KIF1C: variants seen among roughly 807,000 people sequenced by gnomAD.
The protein encoded by KIF1C is kinesin family member 1C.
Under a neutral mutation model 126.5 loss-of-function variants are expected in KIF1C, and 61 were observed. That is an observed-to-expected ratio of 0.48 (90% confidence interval 0.39 to 0.60). The LOEUF is 0.60. KIF1C is among the 20% of genes least tolerant of loss of function. The probability of loss-of-function intolerance (pLI) is 0.00; values close to 1 mark genes in which losing one functional copy is unlikely to be tolerated. For missense variants in KIF1C, 1,315 were observed against 1,489.2 expected, an observed-to-expected ratio of 0.88 and a Z score of 1.93; for synonymous variants, 640 against 580.6, an observed-to-expected ratio of 1.10 and a Z score of -1.47.
intron 13 of KIF1C, among the ~76,000 whole-genome samples, chr17:5,006,555 C>T (rs572181803): frequency 3.3e-5 from 5 of 150,094 alleles, no homozygotes; most frequent in South Asian, 2.1e-4. Flanking sequence ...AGGCTGGTCT[C>T]GAACTCCTGA....
intron 6 of KIF1C, 123 bp downstream of exon 6, chr17:5,002,247 T>G: frequency 9.6e-7 from 1 of 1,044,858 alleles, no homozygotes; most frequent in East Asian, 2.4e-5. Flanking sequence ...TTTGGGGCAG[T>G]GATTCTGTCC....
chr17:5,001,320 T>A lies in KIF1C; in HGVS notation c.282T>A (p.Phe94Leu). ...HAFEGYNVCIFAYGQTGAGKS... is the reference protein window; with the variant it reads ...HAFEGYNVCILAYGQTGAGKS... Reference sequence around the variant, plus strand: ...TTGAAGGCTACAACGTGTGCATCTTTGCCTATGGGCAGACCGGGGCTGGGA... The same window carrying A: ...TTGAAGGCTACAACGTGTGCATCTTAGCCTATGGGCAGACCGGGGCTGGGA... The change falls in exon 5 of 23, where the codon TTT (phenylalanine) becomes TTA (leucine). Residue 94 changes from phenylalanine (F) to leucine (L), a missense_variant. This residue lies in a region of KIF1C where 874 missense variants were observed against 1,053.2 expected (regional missense o/e 0.83). Coordinates refer to ENST00000320785, the MANE Select transcript of KIF1C (RefSeq NM_006612.6). 2 of 1,614,174 alleles carry A rather than the reference T, an allele frequency of 1.2e-6. No homozygotes were observed. Among genetic ancestry groups the A allele is most frequent in the Non-Finnish European group, 1.7e-6 (2 of 1,179,994 alleles).
intron 6 of KIF1C, 71 bp downstream of exon 6, chr17:5,002,195 G>T: frequency 7.1e-7 from 1 of 1,402,562 alleles, no homozygotes; most frequent in Non-Finnish European, 1.0e-6. Context: ...GAATCAGACA[G>T]CCTGGGATCT....
At position 5,007,024 on chromosome 17, in the gene KIF1C, G is replaced by A. The variant is rs539482350; in HGVS notation, c.1275G>A (p.Pro425=). The A allele has an allele frequency of 4.1e-4, 656 of 1,609,352 alleles. 8 individuals are homozygous for A. In the South Asian group the frequency reaches 5.8e-3, roughly 14 times the overall value. Residue 425 remains proline, a synonymous_variant, in exon 14 of 23, where the codon CCG becomes CCA. Transcript: ENST00000320785. ...SPTTHNGELE[P]SFSPNTESQI... is the part of the protein sequence containing the mutation. ...CCACACATAATGGGGAGCTGGAGCC[G>A]TCATTCTCCCCCAACACGGAGTCCC... is the stretch of plus-strand genomic sequence containing the variant.
chr17:4,999,348 T>G (rs1347904187), intron 1 of KIF1C, among the ~76,000 whole-genome samples: 1 of 152,204 alleles, frequency 6.6e-6, no homozygotes, highest in East Asian at 1.9e-4. Flanking sequence ...CATTTGCAGT[T>G]TCCTCTCTGG....
rs1974689186 is a variant in KIF1C at position 5,004,844 on chromosome 17, C to CT, written c.1020-10dup. On this transcript the variant is annotated splice_polypyrimidine_tract_variant and intron_variant, in intron 12 of 22. Transcript: ENST00000320785. ...CCCAGGCCTCACCGACCCTGCTCCT[C>CT]TGTCACCCAGGTATGCTGACCGCAC... 4 of 1,614,212 alleles carry CT rather than the reference C, an allele frequency of 2.5e-6. No individual in the cohort carries two copies. The highest frequency in any genetic ancestry group is 1.1e-5 in the South Asian group (1 of 91,086).
In KIF1C at chr17:5,023,717, G is replaced by C. The variant is rs757104315; in HGVS notation, c.2878G>C (p.Gly960Arg). 7 of 1,550,412 alleles carry C rather than the reference G, an allele frequency of 4.5e-6. No homozygotes were observed. In the South Asian group the frequency reaches 7.3e-5, roughly 16 times the overall value. The change falls in exon 23 of 23, where the codon GGG becomes CGG. Residue 960 changes from glycine to arginine, a missense_variant. Physicochemically the swap from Gly to Arg is moderately radical, Grantham distance 125 (BLOSUM62 -2). Around this residue, in one of 2 missense-constraint regions of KIF1C, gnomAD observed 441 missense variants for 436.1 expected, o/e 1.01. Coordinates refer to ENST00000320785, the MANE Select transcript of KIF1C (RefSeq NM_006612.6). This position sits in a 1 kb window ranked among gnomAD's most constrained non-coding sequence, Gnocchi z 4.2. ...QGLQGSGGRG[G>R]GLRRPPARFV... ...ACTGCAGGGCTCTGGGGGCCGGGGC[G>C]GGGGGCTGCGCAGGCCCCCAGCCCG...
Position 5,001,302 on chromosome 17 carries a change from C to T in KIF1C, c.264C>T (p.Gly88=). Reference sequence around the variant, plus strand: ...AGATGCTGCTCCACGCCTTTGAAGGCTACAACGTGTGCATCTTTGCCTATG... The same window carrying T: ...AGATGCTGCTCCACGCCTTTGAAGGTTACAACGTGTGCATCTTTGCCTATG... The part of the protein sequence containing the change: ...GEEMLLHAFE[G]YNVCIFAYGQ... Residue 88 remains glycine (G), a synonymous_variant, in exon 5 of 23, where the codon GGC becomes GGT. Transcript: ENST00000320785. The T allele has an allele frequency of 1.2e-6, 2 of 1,614,160 alleles. No individual in the cohort carries two copies. The highest frequency in any genetic ancestry group is 1.7e-6 in the Non-Finnish European group (2 of 1,179,992).
intron 12 of KIF1C, 99 bp from the exon 13 acceptor site, chr17:5,004,756 G>T: frequency 6.3e-7 from 1 of 1,596,632 alleles, no homozygotes. Flanking sequence ...CCGGAGCCTT[G>T]CCACAATATC....
chr17:5,006,762 C>T (rs749029653), intron 13 of KIF1C, among the ~76,000 whole-genome samples, 153 bp from the exon 14 acceptor site: 4 of 152,218 alleles, frequency 2.6e-5, no homozygotes, highest in Admixed American at 2.0e-4. Flanking sequence ...ACCATGGCTG[C>T]AGTAGGAGGG....
rs1182688586 is a variant in KIF1C at position 4,997,983 on chromosome 17, G to GCGCCGCTACTGCTGC, written c.-317_-303dup. ...CTGCCCGGGCGGGCGCCGGCCGCTG[G>GCGCCGCTACTGCTGC]CGCCGCTACTGCTGCCGCCCCCGGG... On this transcript the variant is annotated 5_prime_UTR_variant, in exon 1 of 23. Coordinates refer to ENST00000320785, the MANE Select transcript of KIF1C (RefSeq NM_006612.6). The GCGCCGCTACTGCTGC allele has an allele frequency of 6.8e-6, 1 of 147,862 alleles. No homozygotes were observed. Among genetic ancestry groups the GCGCCGCTACTGCTGC allele is most frequent in the African/African-American group, 2.4e-5 (1 of 40,958 alleles). The allele number at this position is 147,862 out of a possible 1,614,324, so 9.2% of individuals were successfully genotyped here.
chr17:5,002,151 TGA>T (rs1452437908), intron 6 of KIF1C, 27 bp downstream of exon 6: 20 of 1,605,918 alleles, frequency 1.2e-5, no homozygotes, highest in Non-Finnish European at 1.4e-5. Context: ...GTGGCAGGGC[TGA>T]GAGGGGTCCA....
chr17:4,999,238 C>T (rs1008348914), intron 1 of KIF1C, among the ~76,000 whole-genome samples: 2 of 152,162 alleles, frequency 1.3e-5, no homozygotes, highest in African/African-American at 4.8e-5. Flanking sequence ...TGGACTTTGC[C>T]CATCTGCACT....
intron 11 of KIF1C, 76 bp downstream of exon 11, chr17:5,004,149 T>C (rs1597844787): frequency 1.0e-5 from 11 of 1,068,710 alleles, no homozygotes; most frequent in Non-Finnish European, 1.6e-5. Flanking sequence ...ACAAATCCCC[T>C]TGCTATGCCG....
At chr17:5,004,270 G>A (rs1974674303) in intron 11 of KIF1C, among the ~76,000 whole-genome samples, 197 bp downstream of exon 11, 1 of 152,058 alleles carries the variant, frequency 6.6e-6, no homozygotes, top group Admixed American at 6.6e-5. Context: ...CAAGCCAAGG[G>A]CCTCACTGAC....
intron 13 of KIF1C, among the ~76,000 whole-genome samples, chr17:5,006,581 C>T (rs1294328452): frequency 6.6e-6 from 1 of 152,106 alleles, no homozygotes; most frequent in Non-Finnish European, 1.5e-5. Flanking sequence ...GGTGATCCAC[C>T]CGCCTGGGCC....
rs373969137 is a variant in KIF1C, at chr17:5,016,335, C to T, written c.1666+1498C>T. ...TATTTTTAGTAGAAACAGGGTTTCT[C>T]CAACTCCCAACCTCAGGTGATCCTC... is the stretch of plus-strand genomic sequence containing the variant. On this transcript the variant is annotated intron_variant, in intron 18 of 22. Transcript: ENST00000320785. 7.9e-5 allele frequency among the ~76,000 whole-genome samples: 12 copies of T among 151,836 alleles called. No individual in the cohort carries two copies. The South Asian group carries it at 2.1e-3, about 26-fold the overall frequency.
At chr17:5,001,139 G>C in intron 4 of KIF1C, 83 bp from the exon 5 acceptor site, 1 of 1,419,964 alleles carries the variant, frequency 7.0e-7, no homozygotes, top group Non-Finnish European at 9.8e-7. Flanking sequence ...GTCAGTGATG[G>C]AAGCAAGACT....
At chr17:5,001,428 C>A in intron 5 of KIF1C, 27 bp downstream of exon 5, 1 of 1,609,190 alleles carries the variant, frequency 6.2e-7, no homozygotes, top group Admixed American at 1.7e-5. Flanking sequence ...GTGGGGCAGC[C>A]AGGGCAGGAG....
Sources: allele counts gnomAD v4.1 joint callset (sites outside exome capture counted in the v4.1 genomes callset), GRCh38; gene constraint gnomAD v4.1.1; regional missense constraint gnomAD v4.1.1; non-coding constraint Gnocchi (gnomAD v3.1); transcripts MANE v1.5; gene names NCBI Gene and HGNC (gene_info 2026-07-23, HGNC 2026-07-21).